The following ADAM11 variants were observed in gnomAD, a reference collection of about 807,000 sequenced individuals.
ADAM11 encodes the protein disintegrin and metalloproteinase domain-containing protein 11.
Under a neutral mutation model 119.1 loss-of-function variants are expected in ADAM11, and 49 were observed. The ratio of observed to expected loss-of-function variants is 0.41; its 90% CI spans 0.33 to 0.52. The LOEUF is 0.52. ADAM11 is among the 20% of genes least tolerant of loss of function. ADAM11 has a pLI of 0.20. For missense variants in ADAM11, 777 were observed against 1,047.5 expected (o/e 0.74, Z 3.56); for synonymous variants, 364 against 408.0 (o/e 0.89, Z 1.30).
In ADAM11 at chr17:44,776,095, T is replaced by C; in HGVS notation, c.1486-32T>C. ...GAGGGCAGGGCCGAGGCATCCATCC[T>C]GCCTGACTCGAGGAGCGCGTCTCTT... On this transcript the variant is annotated intron_variant, in intron 17 of 26. Transcript: ENST00000200557. The surrounding 1 kb of genome is among the most constrained non-coding windows in gnomAD (Gnocchi z 5.2). The C allele has an allele frequency of 6.2e-7, 1 of 1,612,486 alleles. No homozygotes were observed. Among genetic ancestry groups the C allele is most frequent in the Middle Eastern group, 1.7e-4 (1 of 6,044 alleles).
Position 44,781,465 on chromosome 17 carries a change from G to C in ADAM11, c.*1711G>C, listed in dbSNP as rs1046176016. 6.6e-6 allele frequency: 1 copy of C among 152,254 alleles called. No individual in the cohort carries two copies. The highest frequency in any genetic ancestry group is 2.1e-4 in the South Asian group (1 of 4,828). The allele number at this position is 152,254 out of a possible 1,614,324, so 9.4% of individuals were successfully genotyped here. A position where few individuals can be genotyped will look rare whatever the true frequency, so the allele number is the denominator to read the frequency against. On this transcript the variant is annotated 3_prime_UTR_variant, in exon 27 of 27. Transcript: ENST00000200557. ...GGGCTGGGTGTTGCACTATTGCTGC[G>C]CTGCCTTAAGGCATCTGTCCTCTGG...
At chr17:44,764,636 G>C (rs927754449) in intron 2 of ADAM11, among the ~76,000 whole-genome samples, 1 of 152,156 alleles carries the variant, frequency 6.6e-6, no homozygotes, top group African/African-American at 2.4e-5. Flanking sequence ...GCTTTGAGGT[G>C]GCACAGCCTT....
rs2049590811 is a variant in ADAM11, at chr17:44,775,654, G to A, written c.1463G>A (p.Gly488Glu). 1 of 1,589,998 alleles carries A rather than the reference G, an allele frequency of 6.3e-7. No homozygotes were observed. Among genetic ancestry groups the A allele is most frequent in the Non-Finnish European group, 8.5e-7 (1 of 1,169,760 alleles). ...ACTCACGACGCCATGTGCAGCGACG[G>A]GCTCTGCTGTCGCCGCTGCAAGGTA... Reference protein sequence around the residue: ...TLTHDAMCSDGLCCRRCKYEP... With the variant: ...TLTHDAMCSDELCCRRCKYEP... Residue 488 changes from glycine (G) to glutamate (E), a missense_variant, in exon 17 of 27, where the codon GGG becomes GAG. Around this residue, in one of 4 missense-constraint regions of ADAM11, gnomAD observed 348 missense variants for 486.7 expected, o/e 0.72. Coordinates refer to ENST00000200557, the MANE Select transcript of ADAM11 (RefSeq NM_002390.6). The surrounding 1 kb of genome is among the most constrained non-coding windows in gnomAD (Gnocchi z 7.5).
intron 2 of ADAM11, among the ~76,000 whole-genome samples, chr17:44,762,218 T>C (rs536840799): frequency 6.6e-6 from 1 of 152,130 alleles, no homozygotes; most frequent in African/African-American, 2.4e-5. Flanking sequence ...TCTTAAGCAG[T>C]GGAGGTGGGA....
In ADAM11 at chr17:44,775,566, T is replaced by C; in HGVS notation, c.1393-18T>C. ...TTAGGGCTCGCCCGCCTCCTTCCCC[T>C]CCTCCCGCGTCCCTCAGGAGTGCAG... On this transcript the variant is annotated intron_variant, in intron 16 of 26. Transcript: ENST00000200557. The surrounding 1 kb of genome is among the most constrained non-coding windows in gnomAD (Gnocchi z 7.5). 6.4e-7 allele frequency: 1 copy of C among 1,561,320 alleles called. No individual in the cohort carries two copies. The highest frequency in any genetic ancestry group is 8.7e-7 in the Non-Finnish European group (1 of 1,155,678).
At chr17:44,771,557 G>T in intron 4 of ADAM11, 27 bp from the exon 5 acceptor site, 1 of 1,607,594 alleles carries the variant, frequency 6.2e-7, no homozygotes, top group East Asian at 2.2e-5. Flanking sequence ...TCATGCCAGC[G>T]TTCTGCTCAC....
intron 4 of ADAM11, among the ~76,000 whole-genome samples, chr17:44,770,890 G>A (rs918859525): frequency 2.0e-5 from 3 of 152,158 alleles, no homozygotes; most frequent in South Asian, 2.1e-4. Context: ...TGAGGTGGGC[G>A]GATCACGTGA....
At position 44,775,206 on chromosome 17, in the gene ADAM11, A is replaced by G. The variant is rs772296340; in HGVS notation, c.1221-6A>G. 3.1e-6 allele frequency: 5 copies of G among 1,611,156 alleles called. No individual in the cohort carries two copies. The highest frequency in any genetic ancestry group is 4.2e-6 in the Non-Finnish European group (5 of 1,177,728). On this transcript the variant is annotated splice_polypyrimidine_tract_variant and splice_region_variant and intron_variant, in intron 14 of 26. Coordinates refer to ENST00000200557, the MANE Select transcript of ADAM11 (RefSeq NM_002390.6). This position sits in a 1 kb window ranked among gnomAD's most constrained non-coding sequence, Gnocchi z 7.5. ...AGCCAGCAGCACCTCCCCTCGCCCT[A>G]TCCAGGTTCTACCTGCCCCGCAAGT... is the stretch of plus-strand genomic sequence containing the variant.
chr17:44,781,351 C>A lies in ADAM11; in HGVS notation c.*1597C>A. On this transcript the variant is annotated 3_prime_UTR_variant, in exon 27 of 27. Transcript: ENST00000200557. ...GTGGGGTCCACACACTGAGCTCCAGCTGGCACTGCCCACTCAAGGGCTGAG... is the reference window on the plus strand; with the variant it reads ...GTGGGGTCCACACACTGAGCTCCAGATGGCACTGCCCACTCAAGGGCTGAG... The A allele has an allele frequency of 6.6e-6, 1 of 152,260 alleles. No homozygotes were observed. The allele number at this position is 152,260 out of a possible 1,614,324, so 9.4% of individuals were successfully genotyped here. A position where few individuals can be genotyped will look rare whatever the true frequency, so the allele number is the denominator to read the frequency against.
rs2049501683 is a variant in ADAM11 at position 44,770,111 on chromosome 17, G to A, written c.381+63G>A. 8 of 1,576,640 alleles carry A rather than the reference G, an allele frequency of 5.1e-6. No individual in the cohort carries two copies. The South Asian group carries it at 5.7e-5, about 11-fold the overall frequency. ...AGGGAGGTGCTGTTTCTGTGGTTCT[G>A]TGGTCACAGGTGTAGGGACAGGTGG... On this transcript the variant is annotated intron_variant, in intron 4 of 26. Coordinates refer to ENST00000200557, the MANE Select transcript of ADAM11 (RefSeq NM_002390.6).
chr17:44,767,151 C>G (rs1051198269), intron 2 of ADAM11, among the ~76,000 whole-genome samples: 2 of 151,870 alleles, frequency 1.3e-5, no homozygotes, highest in Admixed American at 6.6e-5. Context: ...GTCAGGAGTT[C>G]AAGACAAGCC....
rs376714788 is a variant in ADAM11 at position 44,776,742 on chromosome 17, C to T, written c.1567-3C>T. On this transcript the variant is annotated splice_region_variant and splice_polypyrimidine_tract_variant and intron_variant, in intron 18 of 26. Coordinates refer to ENST00000200557, the MANE Select transcript of ADAM11 (RefSeq NM_002390.6). This position sits in a 1 kb window ranked among gnomAD's most constrained non-coding sequence, Gnocchi z 5.2. ...CCGCTCAACCCCACCCCTCTCTCCA[C>T]AGTGCCCGCCTAACCTGCACAAGCT... 266 of 1,613,998 alleles carry T rather than the reference C, an allele frequency of 1.6e-4. No individual in the cohort carries two copies. Among genetic ancestry groups the T allele is most frequent in the Non-Finnish European group, 2.2e-4 (255 of 1,180,014 alleles).
At chr17:44,779,363 C>G (rs1171231679) in intron 26 of ADAM11, 124 bp downstream of exon 26, 28 of 1,465,724 alleles carry the variant, frequency 1.9e-5, no homozygotes, top group Non-Finnish European at 2.5e-5. Context: ...CTGATTCCCC[C>G]ACCCCTGCTG....
Position 44,777,633 on chromosome 17 carries a change from G to T in ADAM11, c.1901+32G>T, listed in dbSNP as rs374984386. On this transcript the variant is annotated intron_variant, in intron 22 of 26. Transcript: ENST00000200557. The surrounding 1 kb of genome is among the most constrained non-coding windows in gnomAD (Gnocchi z 5.1). ...GCCAGGACCAAGACTAGGGAGGGGA[G>T]GTTGCAGCTGTGCTGGGGGTTAGGA... The T allele has an allele frequency of 5.6e-6, 9 of 1,613,774 alleles. No individual in the cohort carries two copies. The highest frequency in any genetic ancestry group is 7.6e-6 in the Non-Finnish European group (9 of 1,179,862).
Position 44,780,556 on chromosome 17 carries a change from CG to C in ADAM11, c.*810del, listed in dbSNP as rs573649672. On this transcript the variant is annotated 3_prime_UTR_variant, in exon 27 of 27. Transcript: ENST00000200557. ...TCAGGACACATGGATTTTGGCAGGGCGGGGGGGGTTCTAGAAAATATAGTTC... is the reference window on the plus strand; with the variant it reads ...TCAGGACACATGGATTTTGGCAGGGCGGGGGGGTTCTAGAAAATATAGTTC... 8 of 176,360 alleles carry C rather than the reference CG, an allele frequency of 4.5e-5. No individual in the cohort carries two copies. The highest frequency in any genetic ancestry group is 1.2e-4 in the South Asian group (1 of 8,644). The allele number at this position is 176,360 out of a possible 1,614,324, so 10.9% of individuals were successfully genotyped here.
intron 2 of ADAM11, among the ~76,000 whole-genome samples, chr17:44,768,780 A>G (rs150815918): frequency 0.012 from 1,888 of 152,318 alleles, 29 homozygotes; most frequent in African/African-American, 0.041. Flanking sequence ...CACAAAGGCC[A>G]GGCAGCGAAC....
At position 44,777,093 on chromosome 17, in the gene ADAM11, T is replaced by C; in HGVS notation, c.1682-73T>C. On this transcript the variant is annotated intron_variant, in intron 20 of 26. Transcript: ENST00000200557. The surrounding 1 kb of genome is among the most constrained non-coding windows in gnomAD (Gnocchi z 5.1). Reference sequence around the variant, plus strand: ...GGATCTCAGGGACCCAGGCAGAGTGTGGGAGATGCAGGCCTGAGGTCTTGG... The same window carrying C: ...GGATCTCAGGGACCCAGGCAGAGTGCGGGAGATGCAGGCCTGAGGTCTTGG... The C allele has an allele frequency of 1.3e-6, 2 of 1,543,192 alleles. No individual in the cohort carries two copies. The highest frequency in any genetic ancestry group is 1.2e-5 in the South Asian group (1 of 82,754).
At chr17:44,764,262 C>A (rs79378901) in intron 2 of ADAM11, among the ~76,000 whole-genome samples, 4,041 of 152,304 alleles carry the variant, frequency 0.027, 165 homozygotes, top group African/African-American at 0.09. Context: ...AGCACCACCC[C>A]AGAAGCCCTC....
rs1437112602 is a variant in ADAM11, at chr17:44,773,570, A to G, written c.992+143A>G. 8 of 999,888 alleles carry G rather than the reference A, an allele frequency of 8.0e-6. No homozygotes were observed. The South Asian group carries it at 1.2e-4, about 15-fold the overall frequency. The allele number at this position is 999,888 out of a possible 1,614,324, so 61.9% of individuals were successfully genotyped here. On this transcript the variant is annotated intron_variant, in intron 11 of 26. Coordinates refer to ENST00000200557, the MANE Select transcript of ADAM11 (RefSeq NM_002390.6). The surrounding 1 kb of genome is among the most constrained non-coding windows in gnomAD (Gnocchi z 4.6). The stretch of plus-strand genomic sequence containing the variant: ...TTGCACCTGCCACCTACCCCCAGCC[A>G]CATGCAACAGCTGGGCATCATCCCC...
Sources: allele counts gnomAD v4.1 joint callset (sites outside exome capture counted in the v4.1 genomes callset), GRCh38; gene constraint gnomAD v4.1.1; regional missense constraint gnomAD v4.1.1; non-coding constraint Gnocchi (gnomAD v3.1); transcripts MANE v1.5; gene names NCBI Gene and HGNC (gene_info 2026-07-23, HGNC 2026-07-21).